The following ATP8B4 variants were observed in gnomAD, a reference collection of about 807,000 sequenced individuals.
ATP8B4 encodes the protein ATPase phospholipid transporting 8B4 (putative).
Under a neutral mutation model 145.6 loss-of-function variants are expected in ATP8B4, and 133 were observed. That is an observed-to-expected ratio of 0.91 (90% confidence interval 0.79 to 1.05). ATP8B4 has a LOEUF of 1.05. Among genes scored for constraint, ATP8B4 ranks in the 50% least tolerant of loss-of-function variants. The pLI is 0.00. For missense variants in ATP8B4, 1,458 were observed against 1,425.2 expected, an observed-to-expected ratio of 1.02 and a Z score of -0.37; for synonymous variants, 507 against 492.9, an observed-to-expected ratio of 1.03 and a Z score of -0.38.
At chr15:49,942,988 T>A (rs2899442) in intron 14 of ATP8B4, among the ~76,000 whole-genome samples, 138,020 of 151,832 alleles carry the variant, frequency 0.91, 62,948 homozygotes, top group African/African-American at 0.97. Flanking sequence ...ATTAACAAAA[T>A]TTTTTTTTTA....
intron 3 of ATP8B4, among the ~76,000 whole-genome samples, chr15:50,067,691 C>T (rs1252613791): frequency 6.6e-6 from 1 of 151,982 alleles, no homozygotes; most frequent in Admixed American, 6.6e-5. Flanking sequence ...GAATTTGTAC[C>T]CCCTTTCTTA....
At chr15:50,061,189 A>AT (rs1378220488) in intron 3 of ATP8B4, among the ~76,000 whole-genome samples, 1 of 123,458 alleles carries the variant, frequency 8.1e-6, no homozygotes, top group Non-Finnish European at 1.8e-5. Context: ...AGTATATTGG[A>AT]TAAAAAAAAA....
chr15:50,164,801 T>C (rs906025904), intron 1 of ATP8B4, among the ~76,000 whole-genome samples: 3 of 152,240 alleles, frequency 2.0e-5, no homozygotes, highest in African/African-American at 7.2e-5. Flanking sequence ...GATTCACCTC[T>C]GGCTATGGCT....
intron 14 of ATP8B4, among the ~76,000 whole-genome samples, chr15:49,953,529 T>C (rs2043285648): frequency 6.6e-6 from 1 of 152,174 alleles, no homozygotes; most frequent in South Asian, 2.1e-4. Context: ...TGGGGACAAG[T>C]CTTGGGACCA....
intron 1 of ATP8B4, among the ~76,000 whole-genome samples, chr15:50,143,156 A>G (rs1480702490): frequency 2.6e-5 from 4 of 152,230 alleles, no homozygotes; most frequent in Non-Finnish European, 4.4e-5. Context: ...GTGCCATCAG[A>G]GGCTTGATGT....
At chr15:50,169,063 C>A (rs1012561866) in intron 1 of ATP8B4, among the ~76,000 whole-genome samples, 10 of 152,308 alleles carry the variant, frequency 6.6e-5, no homozygotes, top group Admixed American at 5.9e-4. Context: ...ACAGGCCTAG[C>A]CCCACCCCCA....
chr15:49,891,095 C>A (rs920473620), intron 23 of ATP8B4, among the ~76,000 whole-genome samples: 1 of 151,986 alleles, frequency 6.6e-6, no homozygotes, highest in Non-Finnish European at 1.5e-5. Context: ...GGAGGGATGT[C>A]CTCCTTTTAC....
chr15:50,181,786 A>C (rs2044850643), intron 1 of ATP8B4, among the ~76,000 whole-genome samples: 1 of 152,214 alleles, frequency 6.6e-6, no homozygotes, highest in South Asian at 2.1e-4. Flanking sequence ...ACCAGGAAGG[A>C]GAGATGAGAT....
intron 23 of ATP8B4, among the ~76,000 whole-genome samples, chr15:49,892,023 G>A (rs2036873609): frequency 6.6e-6 from 1 of 151,684 alleles, no homozygotes; most frequent in African/African-American, 2.4e-5. Context: ...GGCTGAGGCA[G>A]GAGAATCGTG....
chr15:49,981,153 TA>T, intron 11 of ATP8B4, 52 bp downstream of exon 11: 1 of 1,379,742 alleles, frequency 7.2e-7, no homozygotes, highest in South Asian at 1.2e-5. Flanking sequence ...CAAGATTCAG[TA>T]AATGTACTAA....
chr15:50,046,459 TG>T (rs750109392), intron 4 of ATP8B4, among the ~76,000 whole-genome samples: 2 of 152,224 alleles, frequency 1.3e-5, no homozygotes. Flanking sequence ...GATGAAATTG[TG>T]CCCATGAATC....
At chr15:50,159,625 G>T (rs1161259318) in intron 1 of ATP8B4, among the ~76,000 whole-genome samples, 1 of 152,146 alleles carries the variant, frequency 6.6e-6, no homozygotes, top group African/African-American at 2.4e-5. Context: ...GTCAGTATGT[G>T]GGTCTGTCAT....
intron 13 of ATP8B4, among the ~76,000 whole-genome samples, chr15:49,968,528 G>C (rs994824219): frequency 4.6e-5 from 7 of 152,116 alleles, no homozygotes; most frequent in African/African-American, 1.7e-4. Context: ...AGACAAAGAA[G>C]GGCATTACAT....
intron 20 of ATP8B4, chr15:49,901,837 T>C: frequency 2.3e-6 from 1 of 429,558 alleles, no homozygotes; most frequent in South Asian, 1.7e-5. Flanking sequence ...GCAAAAATTG[T>C]ATTCAGCTTA....
intron 16 of ATP8B4, among the ~76,000 whole-genome samples, chr15:49,926,882 C>T (rs528720859): frequency 6.6e-5 from 10 of 151,936 alleles, no homozygotes; most frequent in Middle Eastern, 3.4e-3. Context: ...GCTGTTCATA[C>T]ATCTACACAG....
chr15:49,895,430 A>G (rs1489213116), intron 23 of ATP8B4: 1 of 152,232 alleles, frequency 6.6e-6, no homozygotes. Flanking sequence ...TTAAGAAAGA[A>G]CACAGATGGT....
chr15:49,864,944 TTC>T (rs1322978246), intron 26 of ATP8B4, among the ~76,000 whole-genome samples: 1 of 152,240 alleles, frequency 6.6e-6, no homozygotes, highest in Non-Finnish European at 1.5e-5. Flanking sequence ...TTTGGTCTTC[TTC>T]TCTGTTTTCT....
At chr15:49,973,892 T>C (rs1426877901) in intron 12 of ATP8B4, among the ~76,000 whole-genome samples, 1 of 152,198 alleles carries the variant, frequency 6.6e-6, no homozygotes, top group African/African-American at 2.4e-5. Flanking sequence ...TCAATGAGTT[T>C]AACACTTTTT....
intron 1 of ATP8B4, among the ~76,000 whole-genome samples, chr15:50,147,725 A>G (rs949727303): frequency 6.6e-6 from 1 of 152,206 alleles, no homozygotes; most frequent in Admixed American, 6.5e-5. Context: ...AATATATAAC[A>G]TTGAATTTTT....
Sources: gnomAD v4.1 joint callset for allele counts (sites outside exome capture counted in the v4.1 genomes callset) on GRCh38, gnomAD v4.1.1 for gene constraint, MANE v1.5 for transcripts, NCBI Gene and HGNC (gene_info 2026-07-23, HGNC 2026-07-21) for gene names.